Variants in SEC63 observed in about 807,000 individuals in gnomAD.
SEC63 encodes the protein translocation protein SEC63 homolog.
Under a neutral mutation model 116.2 loss-of-function variants are expected in SEC63, and 56 were observed. The ratio of observed to expected loss-of-function variants is 0.48; its 90% confidence interval spans 0.39 to 0.60. The LOEUF is 0.60. Among genes scored for constraint, SEC63 ranks in the 20% least tolerant of loss-of-function variants. SEC63 has a pLI of 0.00. For synonymous variants in SEC63, 273 were observed against 294.6 expected, an observed-to-expected ratio of 0.93 and a Z score of 0.75; for missense variants, 668 against 900.0, an observed-to-expected ratio of 0.74 and a Z score of 3.30.
At chr6:107,890,115 A>G (rs1786644911) in intron 16 of SEC63, among the ~76,000 whole-genome samples, 1 of 152,206 alleles carries the variant, frequency 6.6e-6, no homozygotes, top group African/African-American at 2.4e-5. Flanking sequence ...TCCAGAGCTG[A>G]GTTCAAGTCC....
At chr6:107,920,425 CAAAAAAAA>C (rs34816965) in intron 4 of SEC63, among the ~76,000 whole-genome samples, 1 of 73,392 alleles carries the variant, frequency 1.4e-5, no homozygotes, top group Non-Finnish European at 2.4e-5. Context: ...GACTCCGTCT[CAAAAAAAA>C]AAAAAAAAAA....
intron 16 of SEC63, chr6:107,883,381 A>G: frequency 2.1e-6 from 1 of 478,960 alleles, no homozygotes; most frequent in Non-Finnish European, 3.7e-6. Context: ...TTCATTCTTC[A>G]TAATTTGTCA....
At chr6:107,947,594 C>A (rs1047522117) in intron 1 of SEC63, among the ~76,000 whole-genome samples, 2 of 152,138 alleles carry the variant, frequency 1.3e-5, no homozygotes, top group Non-Finnish European at 2.9e-5. Flanking sequence ...CATCCCCATT[C>A]TTTTCCCTGC....
intron 16 of SEC63, among the ~76,000 whole-genome samples, chr6:107,888,661 G>A (rs1339356678): frequency 1.3e-5 from 2 of 152,130 alleles, no homozygotes. Context: ...GGGCATCCTT[G>A]TCTTGTGCTG....
rs1786091480 is a variant in SEC63, at chr6:107,869,928, ATCTT to A, written c.*1772_*1775del. 6.6e-6 allele frequency: 1 copy of A among 151,644 alleles called. No individual in the cohort carries two copies. Among genetic ancestry groups the A allele is most frequent in the Non-Finnish European group, 1.5e-5 (1 of 67,926 alleles). The allele number at this position is 151,644 out of a possible 1,614,324, so 9.4% of individuals were successfully genotyped here. A position where few individuals can be genotyped will look rare whatever the true frequency, so the allele number is the denominator to read the frequency against. On this transcript the variant is annotated 3_prime_UTR_variant, in exon 21 of 21. Transcript: ENST00000369002. ...AAAAAAAAAAACAACTTTTCTTGAA[ATCTT>A]TCAAGAAAACTAGGAAATATGCATT... is the stretch of plus-strand genomic sequence containing the variant.
intron 1 of SEC63, among the ~76,000 whole-genome samples, chr6:107,947,995 T>A (rs1693971378): frequency 6.6e-6 from 1 of 152,194 alleles, no homozygotes; most frequent in African/African-American, 2.4e-5. Context: ...AATACCTGAG[T>A]TGGTCGTAAG....
chr6:107,941,496 G>A (rs201731362), intron 1 of SEC63, among the ~76,000 whole-genome samples: 25 of 149,938 alleles, frequency 1.7e-4, no homozygotes, highest in African/African-American at 5.7e-4. Context: ...GAGTGAGACC[G>A]TGTCTCAAAA....
At position 107,868,028 on chromosome 6, in the gene SEC63, A is replaced by C. The variant is rs1786034643; in HGVS notation, c.*3676T>G. On this transcript the variant is annotated 3_prime_UTR_variant, in exon 21 of 21. Transcript: ENST00000369002. ...ATATGTACAAGATCGCATCTTTTTA[A>C]GTTTTGCAAAATAGCCCTAGCATCA... 1 of 152,102 alleles carries C rather than the reference A, an allele frequency of 6.6e-6. No individual in the cohort carries two copies. Among genetic ancestry groups the C allele is most frequent in the Non-Finnish European group, 1.5e-5 (1 of 68,014 alleles). The allele number at this position is 152,102 out of a possible 1,614,324, so 9.4% of individuals were successfully genotyped here.
At chr6:107,895,246 C>T (rs1786787850) in intron 14 of SEC63, among the ~76,000 whole-genome samples, 1 of 152,086 alleles carries the variant, frequency 6.6e-6, no homozygotes, top group Non-Finnish European at 1.5e-5. Context: ...GCTGGGAAGT[C>T]CAAAGGATAT....
intron 11 of SEC63, 38 bp downstream of exon 11, chr6:107,904,591 G>C: frequency 6.6e-7 from 1 of 1,509,056 alleles, no homozygotes; most frequent in Non-Finnish European, 9.2e-7. Context: ...ATGCTTGCAA[G>C]AAAAAGTATA....
chr6:107,923,213 A>AG (rs1256525992), intron 3 of SEC63, among the ~76,000 whole-genome samples: 2 of 151,584 alleles, frequency 1.3e-5, no homozygotes, highest in Non-Finnish European at 2.9e-5. Context: ...GTGCAATCAC[A>AG]GCTCGCTGCA....
At position 107,909,654 on chromosome 6, in the gene SEC63, G is replaced by A. The variant is rs1787230550; in HGVS notation, c.625-619C>T. On this transcript the variant is annotated intron_variant, in intron 7 of 20. Transcript: ENST00000369002. ...CCAAAAAGGGATAAAACTACCCACT[G>A]CTATAAGCACCAAGCTGGTTCTTGA... Among the ~76,000 whole-genome samples the A allele has an allele frequency of 3.3e-5, 5 of 152,126 alleles. No individual in the cohort carries two copies. The South Asian group carries it at 1.0e-3, about 32-fold the overall frequency.
chr6:107,920,282 C>T (rs1413965044), intron 4 of SEC63, among the ~76,000 whole-genome samples: 1 of 151,804 alleles, frequency 6.6e-6, no homozygotes, highest in Non-Finnish European at 1.5e-5. Flanking sequence ...AAACATTAGC[C>T]GGGCGTGGTG....
chr6:107,897,877 A>T, intron 13 of SEC63, 146 bp from the exon 14 acceptor site: 1 of 668,570 alleles, frequency 1.5e-6, no homozygotes, highest in Non-Finnish European at 2.7e-6. Flanking sequence ...AAAATAACTG[A>T]TTGACTACTC....
At chr6:107,910,978 T>C (rs1415483758) in intron 7 of SEC63, among the ~76,000 whole-genome samples, 1 of 152,180 alleles carries the variant, frequency 6.6e-6, no homozygotes, top group Non-Finnish European at 1.5e-5. Context: ...CCCAATGTGC[T>C]GGGATTACAG....
intron 18 of SEC63, 24 bp from the exon 19 acceptor site, chr6:107,876,686 AAAAG>A: frequency 6.9e-7 from 1 of 1,452,704 alleles, no homozygotes; most frequent in Non-Finnish European, 9.5e-7. Context: ...AAAAAAAAAA[AAAAG>A]AAGAGGGGTA....
At chr6:107,948,710 C>T (rs1202633974) in intron 1 of SEC63, among the ~76,000 whole-genome samples, 1 of 152,166 alleles carries the variant, frequency 6.6e-6, no homozygotes, top group African/African-American at 2.4e-5. Context: ...TGATGCCCCC[C>T]ACCATATCCC....
At chr6:107,889,152 T>C (rs1421041166) in intron 16 of SEC63, among the ~76,000 whole-genome samples, 2 of 152,202 alleles carry the variant, frequency 1.3e-5, no homozygotes, top group Non-Finnish European at 2.9e-5. Flanking sequence ...TTGGAATAGT[T>C]TCAGAAGGAA....
intron 13 of SEC63, 24 bp from the exon 14 acceptor site, chr6:107,897,755 C>T (rs778556925): frequency 6.7e-7 from 1 of 1,499,020 alleles, no homozygotes; most frequent in Non-Finnish European, 9.3e-7. Context: ...AGAAAAAAAA[C>T]AGCAAAAAAT....
Sources: gnomAD v4.1 joint callset for allele counts (sites outside exome capture counted in the v4.1 genomes callset) on GRCh38, gnomAD v4.1.1 for gene constraint, MANE v1.5 for transcripts, NCBI Gene and HGNC (gene_info 2026-07-23, HGNC 2026-07-21) for gene names.